The following CPNE4 variants were observed in gnomAD, a reference collection of about 807,000 sequenced individuals.
The protein encoded by CPNE4 is copine 4.
Under a neutral mutation model 67.9 loss-of-function variants are expected in CPNE4, and 25 were observed. That is an observed-to-expected ratio of 0.37 (90% CI 0.27 to 0.51). CPNE4 has a LOEUF of 0.51. Among genes scored for constraint, CPNE4 ranks in the 20% least tolerant of loss-of-function variants. The pLI is 0.93. For synonymous variants in CPNE4, 242 were observed against 244.9 expected (o/e 0.99, Z 0.11); for missense variants, 464 against 690.8 (o/e 0.67, Z 3.68).
At chr3:132,014,737 C>T (rs1054616267) in intron 1 of CPNE4, among the ~76,000 whole-genome samples, 6 of 151,944 alleles carry the variant, frequency 3.9e-5, no homozygotes, top group African/African-American at 1.5e-4. Context: ...GTGTTCTTGG[C>T]TTCTGTCATT....
chr3:131,842,746 A>AAAG (rs762828982), intron 2 of CPNE4, among the ~76,000 whole-genome samples: 13,078 of 149,678 alleles, frequency 0.087, 664 homozygotes, highest in East Asian at 0.19. Flanking sequence ...AAAAAAAAAA[A>AAAG]AAAGAAAAAG....
At chr3:131,871,602 G>A (rs1380925832) in intron 2 of CPNE4, among the ~76,000 whole-genome samples, 1 of 152,150 alleles carries the variant, frequency 6.6e-6, no homozygotes, top group African/African-American at 2.4e-5. Context: ...GGAGAACAGT[G>A]GGTGAACTAG....
chr3:131,901,673 G>C (rs562751473), intron 2 of CPNE4, among the ~76,000 whole-genome samples: 1 of 152,120 alleles, frequency 6.6e-6, no homozygotes, highest in South Asian at 2.1e-4. Flanking sequence ...GGCAGGGCTG[G>C]AAATGTTGCC....
intron 2 of CPNE4, among the ~76,000 whole-genome samples, chr3:131,900,538 CCT>C (rs1271403452): frequency 2.0e-5 from 3 of 152,062 alleles, no homozygotes; most frequent in Non-Finnish European, 4.4e-5. Context: ...CATGTAGTGT[CCT>C]CTTTCTCAAG....
At chr3:131,684,814 C>A (rs2080848090) in intron 6 of CPNE4, among the ~76,000 whole-genome samples, 1 of 152,052 alleles carries the variant, frequency 6.6e-6, no homozygotes, top group African/African-American at 2.4e-5. Context: ...GACTGGCTTA[C>A]AAGTAAAATA....
At chr3:131,599,815 G>C (rs143313140) in intron 7 of CPNE4, among the ~76,000 whole-genome samples, 5 of 152,256 alleles carry the variant, frequency 3.3e-5, no homozygotes, top group African/African-American at 9.6e-5. Context: ...AGTAAAGTCT[G>C]GTGACAATTA....
intron 14 of CPNE4, 87 bp from the exon 15 acceptor site, chr3:131,542,880 G>A (rs1182912647): frequency 2.2e-6 from 2 of 900,640 alleles, no homozygotes; most frequent in East Asian, 4.8e-5. Context: ...CACCCAGGTG[G>A]CCTCACTGCA....
At chr3:131,939,993 G>T (rs2071339126) in intron 1 of CPNE4, among the ~76,000 whole-genome samples, 2 of 152,060 alleles carry the variant, frequency 1.3e-5, no homozygotes, top group African/African-American at 4.8e-5. Context: ...TAACAAAGCT[G>T]GAGTTTGTGC....
At chr3:131,541,963 A>G (rs111297388) in intron 15 of CPNE4, among the ~76,000 whole-genome samples, 5,990 of 152,216 alleles carry the variant, frequency 0.039, 278 homozygotes, top group African/African-American at 0.11. Context: ...GAGCCACTGC[A>G]CCCAGCCTTA....
intron 3 of CPNE4, among the ~76,000 whole-genome samples, chr3:131,717,788 C>T (rs2081738147): frequency 6.6e-6 from 1 of 152,118 alleles, no homozygotes; most frequent in Admixed American, 6.6e-5. Flanking sequence ...TAATTGGTTT[C>T]CCTGCCATCC....
rs763609536 is a variant in CPNE4, at chr3:131,581,535, T to G, written c.867+44A>C. On this transcript the variant is annotated intron_variant, in intron 9 of 15. Coordinates refer to ENST00000429747, the MANE Select transcript of CPNE4 (RefSeq NM_130808.3). ...CACCACCTGAACTCTTCCTCTCAGATAGCCCTAGCTTCATACTCCTGGAAG... is the reference window on the plus strand; with the variant it reads ...CACCACCTGAACTCTTCCTCTCAGAGAGCCCTAGCTTCATACTCCTGGAAG... 3 of 1,276,220 alleles carry G rather than the reference T, an allele frequency of 2.4e-6. No homozygotes were observed. The South Asian group carries it at 3.6e-5, about 15-fold the overall frequency. 79.1% of individuals were successfully genotyped at this position (1,276,220 alleles called of 1,614,324 possible). A position where few individuals can be genotyped will look rare whatever the true frequency, so the allele number is the denominator to read the frequency against.
At chr3:131,585,216 G>C (rs150126370) in intron 8 of CPNE4, among the ~76,000 whole-genome samples, 1 of 152,286 alleles carries the variant, frequency 6.6e-6, no homozygotes, top group East Asian at 1.9e-4. Flanking sequence ...ACAAATTGTA[G>C]TTGCATTTTA....
chr3:131,569,004 CTGTT>C (rs1341149299), intron 10 of CPNE4, among the ~76,000 whole-genome samples: 3 of 152,024 alleles, frequency 2.0e-5, no homozygotes, highest in African/African-American at 7.2e-5. Context: ...GGTGAACATA[CTGTT>C]TGGTCTGGAC....
intron 2 of CPNE4, among the ~76,000 whole-genome samples, chr3:131,865,210 G>T (rs1448746325): frequency 6.6e-6 from 1 of 152,038 alleles, no homozygotes; most frequent in Non-Finnish European, 1.5e-5. Flanking sequence ...TCAGGATAAT[G>T]CTGGCCTCAT....
intron 1 of CPNE4, among the ~76,000 whole-genome samples, chr3:132,021,966 A>G (rs963453914): frequency 1.3e-5 from 2 of 152,186 alleles, no homozygotes; most frequent in Non-Finnish European, 2.9e-5. Flanking sequence ...CCCAAATTGG[A>G]TATTACCTCT....
rs368447036 is a variant in CPNE4, at chr3:131,885,559, A to G, written c.180+19705T>C. On this transcript the variant is annotated intron_variant, in intron 2 of 15. Coordinates refer to ENST00000429747, the MANE Select transcript of CPNE4 (RefSeq NM_130808.3). ...AATTTTTTTATTTTTTTATTATTAT[A>G]CTTTAAGTTTTAGGGTACATGTGCA... Among the ~76,000 whole-genome samples the G allele has an allele frequency of 1.5e-4, 22 of 151,538 alleles. No individual in the cohort carries two copies. The East Asian group carries it at 4.3e-3, about 29-fold the overall frequency.
intron 2 of CPNE4, among the ~76,000 whole-genome samples, chr3:131,852,153 C>G (rs2086265761): frequency 6.6e-6 from 1 of 151,960 alleles, no homozygotes; most frequent in South Asian, 2.1e-4. Flanking sequence ...TATGTACTTA[C>G]AGAGTATTAA....
intron 2 of CPNE4, among the ~76,000 whole-genome samples, chr3:131,759,602 T>G (rs544782292): frequency 9.2e-6 from 1 of 108,204 alleles, no homozygotes; most frequent in East Asian, 2.8e-4. Context: ...CGAAGTCATC[T>G]TACAAGAAAA....
intron 1 of CPNE4, among the ~76,000 whole-genome samples, chr3:131,993,369 T>G (rs1043111444): frequency 2.4e-5 from 3 of 126,730 alleles, no homozygotes; most frequent in African/African-American, 7.9e-5. Context: ...CTAGCATTCT[T>G]TTGAAAAAGC....
Sources: allele counts gnomAD v4.1 joint callset (sites outside exome capture counted in the v4.1 genomes callset), GRCh38; gene constraint gnomAD v4.1.1; transcripts MANE v1.5; gene names NCBI Gene and HGNC (gene_info 2026-07-23, HGNC 2026-07-21).